COL5A2: variants seen among roughly 807,000 people sequenced by gnomAD.
COL5A2 encodes collagen type V alpha 2 chain, also known as collagen alpha-2(V) chain.
COL5A2 carries 23 observed loss-of-function variants against 208.2 expected under a neutral mutation model. The ratio of observed to expected loss-of-function variants is 0.11; its 90% confidence interval spans 0.08 to 0.16. The LOEUF (loss-of-function observed/expected upper bound fraction) is 0.16. COL5A2 is among the 10% of genes least tolerant of loss of function. The pLI is 1.00. For synonymous variants in COL5A2, 625 were observed against 628.5 expected, an observed-to-expected ratio of 0.99 and a Z score of 0.08; for missense variants, 1,590 against 1,956.4, an observed-to-expected ratio of 0.81 and a Z score of 3.53.
chr2:189,220,246 CTA>C (rs1176797606), intron 1 of COL5A2, among the ~76,000 whole-genome samples: 1 of 152,172 alleles, frequency 6.6e-6, no homozygotes, highest in Non-Finnish European at 1.5e-5. Flanking sequence ...CCCATTTTCT[CTA>C]TGTGTGTTAA....
At chr2:189,243,244 G>A in the COL5A2 span, among the ~76,000 whole-genome samples, 1 of 151,952 alleles carries the variant, frequency 6.6e-6, no homozygotes, top group Non-Finnish European at 1.5e-5. Context: ...GAGGAAGGAA[G>A]ACAGAAGGTG....
the COL5A2 span, among the ~76,000 whole-genome samples, chr2:189,270,557 G>A: frequency 6.6e-6 from 1 of 152,128 alleles, no homozygotes; most frequent in Non-Finnish European, 1.5e-5. Flanking sequence ...TCTTAATCCT[G>A]AGTTCTAATT....
the COL5A2 span, among the ~76,000 whole-genome samples, chr2:189,260,760 G>C: frequency 2.0e-5 from 3 of 152,154 alleles, no homozygotes; most frequent in Non-Finnish European, 2.9e-5. Context: ...ATATGTAAAA[G>C]GGAAATTACA....
At chr2:189,053,759 A>C (rs1305600190) in intron 37 of COL5A2, 136 bp downstream of exon 37, 1 of 869,050 alleles carries the variant, frequency 1.2e-6, no homozygotes, top group East Asian at 2.6e-5. Context: ...TAATTAGAAA[A>C]GCAAAAGCTA....
intron 8 of COL5A2, among the ~76,000 whole-genome samples, chr2:189,086,981 A>T (rs768243369): frequency 7.2e-5 from 11 of 152,218 alleles, no homozygotes; most frequent in Non-Finnish European, 1.3e-4. Context: ...ACATAACTTC[A>T]GTGTTATAAA....
the COL5A2 span, chr2:189,312,088 T>C: frequency 1.3e-6 from 1 of 782,434 alleles, no homozygotes; most frequent in Non-Finnish European, 2.3e-6. Context: ...ATCTGCAGAA[T>C]GATGCTGGCA....
At chr2:189,414,085 C>A in the COL5A2 span, among the ~76,000 whole-genome samples, 1 of 152,208 alleles carries the variant, frequency 6.6e-6, no homozygotes, top group African/African-American at 2.4e-5. Context: ...AGCCACTGTG[C>A]CCGGCCTTGT....
chr2:189,038,670 C>T (rs1356380365), intron 51 of COL5A2, among the ~76,000 whole-genome samples: 1 of 151,946 alleles, frequency 6.6e-6, no homozygotes, highest in East Asian at 1.9e-4. Flanking sequence ...ATTCCCTTTT[C>T]TCCAAAGCCT....
the COL5A2 span, among the ~76,000 whole-genome samples, chr2:189,301,791 T>C: frequency 6.6e-6 from 1 of 152,230 alleles, no homozygotes; most frequent in East Asian, 1.9e-4. Context: ...CATATTGTTG[T>C]ATCTTTCTTT....
chr2:189,433,631 G>T, the COL5A2 span, among the ~76,000 whole-genome samples: 147 of 152,226 alleles, frequency 9.7e-4, 2 homozygotes, highest in African/African-American at 3.2e-3. Flanking sequence ...GACTAAACCA[G>T]GAAGAAGTTG....
At chr2:189,370,319 A>C in the COL5A2 span, among the ~76,000 whole-genome samples, 3 of 152,200 alleles carry the variant, frequency 2.0e-5, no homozygotes, top group Admixed American at 2.0e-4. Context: ...CTGCAGAACA[A>C]CAATAAAAAT....
chr2:189,115,255 T>A (rs1302505253), intron 1 of COL5A2, among the ~76,000 whole-genome samples: 1 of 152,200 alleles, frequency 6.6e-6, no homozygotes, highest in African/African-American at 2.4e-5. Flanking sequence ...CTTTTAAATT[T>A]AGTTGTAAGA....
intron 47 of COL5A2, 138 bp downstream of exon 47, chr2:189,045,041 C>A: frequency 1.4e-5 from 7 of 516,634 alleles, no homozygotes; most frequent in South Asian, 3.8e-5. Context: ...TAAGAGTAAA[C>A]TTATAATTTT....
the COL5A2 span, among the ~76,000 whole-genome samples, chr2:189,273,820 G>A: frequency 1.3e-5 from 2 of 152,058 alleles, no homozygotes; most frequent in Non-Finnish European, 2.9e-5. Context: ...GAAGCAGAGG[G>A]TAGAATGATG....
At chr2:189,255,678 T>C in the COL5A2 span, among the ~76,000 whole-genome samples, 9 of 152,130 alleles carry the variant, frequency 5.9e-5, no homozygotes, top group Non-Finnish European at 1.3e-4. Context: ...ACATTATATA[T>C]AATAAATATA....
chr2:189,132,878 A>G (rs1687744873), intron 1 of COL5A2, among the ~76,000 whole-genome samples: 1 of 151,842 alleles, frequency 6.6e-6, no homozygotes, highest in African/African-American at 2.4e-5. Context: ...CTGAGATCGC[A>G]CCACTGCACT....
intron 1 of COL5A2, 114 bp downstream of exon 1, chr2:189,179,394 C>G: frequency 8.3e-7 from 1 of 1,204,584 alleles, no homozygotes; most frequent in Non-Finnish European, 1.2e-6. Flanking sequence ...CGTCAGCCCC[C>G]TTCTCAAACT....
intron 9 of COL5A2, 41 bp from the exon 10 acceptor site, chr2:189,085,813 A>G: frequency 6.7e-7 from 1 of 1,490,574 alleles, no homozygotes; most frequent in Non-Finnish European, 9.4e-7. Flanking sequence ...CCAAGGAAAA[A>G]TAGAATATTA....
intron 1 of COL5A2, among the ~76,000 whole-genome samples, chr2:189,144,873 A>G (rs1481375745): frequency 6.6e-6 from 1 of 152,108 alleles, no homozygotes; most frequent in Non-Finnish European, 1.5e-5. Flanking sequence ...AAAGGAAATT[A>G]CATTCTACAG....
Sources: gnomAD v4.1 joint callset for allele counts (sites outside exome capture counted in the v4.1 genomes callset) on GRCh38, gnomAD v4.1.1 for gene constraint, MANE v1.5 for transcripts, NCBI Gene and HGNC (gene_info 2026-07-23, HGNC 2026-07-21) for gene names.